SLC4A4: variants seen among roughly 807,000 people sequenced by gnomAD.
SLC4A4 encodes solute carrier family 4 member 4.
A neutral mutation model predicts 111.5 loss-of-function variants in SLC4A4; 27 were observed. The observed-to-expected ratio is 0.24, with a 90% CI of 0.18 to 0.33. The LOEUF is 0.33. SLC4A4 is among the 10% of genes least tolerant of loss of function. The pLI is 1.00. For missense variants in SLC4A4, 909 were observed against 1,315.5 expected (o/e 0.69, Z 4.78); for synonymous variants, 443 against 463.4 (o/e 0.96, Z 0.57).
At chr4:71,098,945 T>G (rs1486509890) in intron 2 of SLC4A4, among the ~76,000 whole-genome samples, 2 of 152,096 alleles carry the variant, frequency 1.3e-5, no homozygotes, top group African/African-American at 4.8e-5. Flanking sequence ...ACAGGAGCAC[T>G]CAGATTTATA....
intron 4 of SLC4A4, among the ~76,000 whole-genome samples, chr4:71,346,723 A>G (rs1002216402): frequency 1.3e-5 from 2 of 152,166 alleles, no homozygotes; most frequent in East Asian, 3.8e-4. Flanking sequence ...TAGACAAAGC[A>G]TGTGCCATTT....
intron 18 of SLC4A4, among the ~76,000 whole-genome samples, chr4:71,536,967 C>A (rs181866579): frequency 6.6e-6 from 1 of 150,538 alleles, no homozygotes; most frequent in Non-Finnish European, 1.5e-5. Context: ...TATACATATC[C>A]TTTCTTATAT....
Position 71,435,200 on chromosome 4 carries a change from C to T in SLC4A4, c.808-5416C>T, listed in dbSNP as rs568079406. On this transcript the variant is annotated intron_variant, in intron 7 of 25. Coordinates refer to ENST00000264485, the MANE Select transcript of SLC4A4 (RefSeq NM_001098484.3). ...TAACCAAAACAGCATGGTACTGGTACCAAAACAGATATATAGAACAATGAA... is the reference window on the plus strand; with the variant it reads ...TAACCAAAACAGCATGGTACTGGTATCAAAACAGATATATAGAACAATGAA... Among the ~76,000 whole-genome samples, 9 of 152,172 alleles carry T rather than the reference C, an allele frequency of 5.9e-5. No homozygotes were observed. The East Asian group carries it at 1.7e-3, about 29-fold the overall frequency.
intron 24 of SLC4A4, among the ~76,000 whole-genome samples, chr4:71,565,624 G>A (rs1373893965): frequency 6.6e-6 from 1 of 151,754 alleles, no homozygotes; most frequent in East Asian, 2.0e-4. Flanking sequence ...CATGCACTGG[G>A]CCCCAACAGA....
intron 21 of SLC4A4, among the ~76,000 whole-genome samples, chr4:71,556,003 A>G (rs557593643): frequency 1.3e-5 from 2 of 152,086 alleles, no homozygotes; most frequent in South Asian, 4.1e-4. Context: ...AGCCTTATTT[A>G]GCACTTAGTA....
intron 3 of SLC4A4, among the ~76,000 whole-genome samples, chr4:71,312,304 C>T (rs1227259329): frequency 1.3e-5 from 2 of 152,080 alleles, no homozygotes; most frequent in Non-Finnish European, 2.9e-5. Context: ...AAAAAAAGCC[C>T]AGGACCTGAC....
intron 3 of SLC4A4, among the ~76,000 whole-genome samples, chr4:71,286,368 G>A (rs1723920410): frequency 6.6e-6 from 1 of 152,296 alleles, no homozygotes; most frequent in Middle Eastern, 3.4e-3. Flanking sequence ...AAGACCAAAC[G>A]CTTAAAAGCA....
chr4:71,447,544 A>G (rs1725349686), intron 8 of SLC4A4, 102 bp from the exon 9 acceptor site: 1 of 767,388 alleles, frequency 1.3e-6, no homozygotes, highest in Non-Finnish European at 2.3e-6. Context: ...TGAATTCTAG[A>G]CCTAACCTTT....
At chr4:71,428,121 G>A (rs1389290135) in intron 7 of SLC4A4, among the ~76,000 whole-genome samples, 1 of 152,138 alleles carries the variant, frequency 6.6e-6, no homozygotes, top group East Asian at 1.9e-4. Flanking sequence ...CCGGAACCTG[G>A]TAAGGTGAGA....
chr4:71,116,657 C>T (rs1041604603), intron 2 of SLC4A4, among the ~76,000 whole-genome samples: 7 of 152,124 alleles, frequency 4.6e-5, no homozygotes, highest in Non-Finnish European at 8.8e-5. Context: ...TTAAGAATGC[C>T]TGTTGGCCGG....
intron 2 of SLC4A4, among the ~76,000 whole-genome samples, chr4:71,168,195 T>C (rs2148980858): frequency 6.7e-6 from 1 of 148,788 alleles, no homozygotes; most frequent in South Asian, 2.2e-4. Context: ...TTTTTTTTTT[T>C]TTTTGAGATG....
rs559451085 is a variant in SLC4A4 at position 71,373,473 on chromosome 4, T to C, written c.730+16286T>C. ...AAGAGCAGGGTGAGACATTGAAAGA[T>C]CATGCTAGGCTAGAGAAAAGTAAAA... is the stretch of plus-strand genomic sequence containing the variant. On this transcript the variant is annotated intron_variant, in intron 6 of 25. Transcript: ENST00000264485. Among the ~76,000 whole-genome samples, 4 of 152,306 alleles carry C rather than the reference T, an allele frequency of 2.6e-5. No individual in the cohort carries two copies. In the East Asian group the frequency reaches 7.7e-4, roughly 29 times the overall value.
At chr4:71,215,300 A>C (rs939130000) in intron 1 of SLC4A4, among the ~76,000 whole-genome samples, 3 of 152,166 alleles carry the variant, frequency 2.0e-5, no homozygotes, top group African/African-American at 7.2e-5. Context: ...TTTACTAAGA[A>C]CTTTGTGTTC....
At chr4:71,143,106 A>ACC (rs1744057406) in intron 2 of SLC4A4, among the ~76,000 whole-genome samples, 7 of 148,718 alleles carry the variant, frequency 4.7e-5, no homozygotes, top group Non-Finnish European at 7.5e-5. Flanking sequence ...CCATCCCCCC[A>ACC]CCATGCAACC....
At chr4:71,157,639 A>G (rs1176386119) in intron 2 of SLC4A4, among the ~76,000 whole-genome samples, 3 of 152,228 alleles carry the variant, frequency 2.0e-5, no homozygotes, top group African/African-American at 7.2e-5. Context: ...TTCTAATTAC[A>G]TTAACTTAGT....
At chr4:71,190,679 A>G (rs554983220) in intron 1 of SLC4A4, among the ~76,000 whole-genome samples, 26 of 152,302 alleles carry the variant, frequency 1.7e-4, no homozygotes, top group Non-Finnish European at 2.8e-4. Flanking sequence ...AATTGTGCCC[A>G]TAAAATTGCT....
chr4:71,073,480 C>T (rs1156999473), intron 1 of SLC4A4, among the ~76,000 whole-genome samples: 1 of 152,152 alleles, frequency 6.6e-6, no homozygotes, highest in Non-Finnish European at 1.5e-5. Flanking sequence ...ATGTTTGATT[C>T]TTTCAAGTAT....
intron 16 of SLC4A4, among the ~76,000 whole-genome samples, chr4:71,506,603 G>T (rs1406659434): frequency 6.6e-6 from 1 of 152,024 alleles, no homozygotes; most frequent in African/African-American, 2.4e-5. Context: ...AGATGATGGG[G>T]TTTTCTAGAT....
chr4:71,472,256 G>A lies in SLC4A4; in HGVS notation c.1632-443G>A, dbSNP rs185162001. ...ATTTTATAGTGCGATTACATTTATCGATTTGTTTCCCTCAGTAGACCGTGA... is the reference window on the plus strand; with the variant it reads ...ATTTTATAGTGCGATTACATTTATCAATTTGTTTCCCTCAGTAGACCGTGA... On this transcript the variant is annotated intron_variant, in intron 13 of 25. Coordinates refer to ENST00000264485, the MANE Select transcript of SLC4A4 (RefSeq NM_001098484.3). 4.3e-3 allele frequency among the ~76,000 whole-genome samples: 647 copies of A among 151,784 alleles called. 2 individuals carry two copies. Among genetic ancestry groups the A allele is most frequent in the Non-Finnish European group, 7.3e-3 (494 of 67,842 alleles).
Sources: allele counts gnomAD v4.1 joint callset (sites outside exome capture counted in the v4.1 genomes callset), GRCh38; gene constraint gnomAD v4.1.1; transcripts MANE v1.5; gene names NCBI Gene and HGNC (gene_info 2026-07-23, HGNC 2026-07-21).